Variants in LYST observed in about 807,000 individuals in gnomAD.
LYST encodes lysosomal trafficking regulator.
LYST carries 192 observed loss-of-function variants against 413.6 expected under a neutral mutation model. That is an observed-to-expected ratio of 0.46 (90% CI 0.41 to 0.52). The LOEUF is 0.52. LYST is among the 20% of genes least tolerant of loss of function. The pLI is 0.00. For missense variants in LYST, 3,815 were observed against 4,499.9 expected, an observed-to-expected ratio of 0.85 and a Z score of 4.35; for synonymous variants, 1,525 against 1,567.3, an observed-to-expected ratio of 0.97 and a Z score of 0.64.
intron 20 of LYST, among the ~76,000 whole-genome samples, chr1:235,767,991 C>T (rs1668308743): frequency 6.6e-6 from 1 of 152,080 alleles, no homozygotes; most frequent in Admixed American, 6.6e-5. Flanking sequence ...TTCTGTATCT[C>T]TTTCAATAGC....
At chr1:235,737,777 A>T (rs1224517988) in intron 31 of LYST, 1 of 381,762 alleles carries the variant, frequency 2.6e-6, no homozygotes, top group Non-Finnish European at 3.6e-6. Flanking sequence ...ATAAAAACAA[A>T]TACAAGAATT....
intron 20 of LYST, 88 bp from the exon 21 acceptor site, chr1:235,766,365 A>G: frequency 1.0e-6 from 1 of 960,190 alleles, no homozygotes; most frequent in East Asian, 2.4e-5. Flanking sequence ...TCTTTTTAAG[A>G]TAGAATTCTG....
At chr1:235,778,377 A>C (rs184563930) in intron 16 of LYST, among the ~76,000 whole-genome samples, 2 of 150,848 alleles carry the variant, frequency 1.3e-5, no homozygotes, top group East Asian at 3.9e-4. Context: ...TTATTTATTT[A>C]TTTATTTATT....
Position 235,664,111 on chromosome 1 carries a change from G to T in LYST, c.11196-56C>A. 2 of 1,265,904 alleles carry T rather than the reference G, an allele frequency of 1.6e-6. No individual in the cohort carries two copies. Among genetic ancestry groups the T allele is most frequent in the Non-Finnish European group, 2.3e-6 (2 of 863,832 alleles). 78.4% of individuals were successfully genotyped at this position (1,265,904 alleles called of 1,614,324 possible). A position where few individuals can be genotyped will look rare whatever the true frequency, so the allele number is the denominator to read the frequency against. On this transcript the variant is annotated intron_variant, in intron 51 of 52. Coordinates refer to ENST00000389793, the MANE Select transcript of LYST (RefSeq NM_000081.4). The surrounding 1 kb of genome is among the most constrained non-coding windows in gnomAD (Gnocchi z 4.5). Reference sequence around the variant, plus strand: ...AAACTAAAATTACTCTCCCTAAAAAGCCCTCTATATTTGTTTATTTGTTAA... The same window carrying T: ...AAACTAAAATTACTCTCCCTAAAAATCCCTCTATATTTGTTTATTTGTTAA...
upstream of LYST, among the ~76,000 whole-genome samples, chr1:235,867,149 T>C (rs999035826): frequency 6.6e-6 from 1 of 152,198 alleles, no homozygotes; most frequent in African/African-American, 2.4e-5. Context: ...CCCGCGGGGC[T>C]GCAGCCGGGG....
At chr1:235,800,820 G>C in intron 9 of LYST, 51 bp downstream of exon 9, 1 of 1,226,674 alleles carries the variant, frequency 8.2e-7, no homozygotes, top group East Asian at 2.4e-5. Context: ...GATGTTATTG[G>C]GTGATGAGTC....
In LYST at chr1:235,751,347, A is replaced by G; in HGVS notation, c.7643T>C (p.Leu2548Pro). ...NKRTQNMAVA[L>P]QLRVLQAAME... ...AGCAGCCTGGAGAACTCTAAGCTGT[A>G]GTGCAACAGCCATATCTAAAAACAG... The change falls in exon 28 of 53, where the codon CTA becomes CCA. Residue 2548 changes from leucine to proline, a missense_variant. Leu to Pro is a moderately conservative substitution (Grantham distance 98). Transcript: ENST00000389793. 1 of 1,613,464 alleles carries G rather than the reference A, an allele frequency of 6.2e-7. No individual in the cohort carries two copies. Among genetic ancestry groups the G allele is most frequent in the Non-Finnish European group, 8.5e-7 (1 of 1,179,524 alleles).
At chr1:235,847,076 G>C (rs950114438) in intron 1 of LYST, among the ~76,000 whole-genome samples, 4 of 152,262 alleles carry the variant, frequency 2.6e-5, no homozygotes, top group South Asian at 4.1e-4. Context: ...ACATTGTCAT[G>C]AGGTTATCCA....
At chr1:235,769,769 T>G (rs1668478261) in intron 20 of LYST, among the ~76,000 whole-genome samples, 1 of 152,148 alleles carries the variant, frequency 6.6e-6, no homozygotes. Context: ...GCATATAAAA[T>G]AGACCGTTAG....
intron 14 of LYST, 92 bp from the exon 15 acceptor site, chr1:235,782,179 T>TG: frequency 8.9e-7 from 1 of 1,126,598 alleles, no homozygotes; most frequent in Non-Finnish European, 1.3e-6. Flanking sequence ...AATGGGGAAT[T>TG]CTTTTTTTTT....
intron 33 of LYST, 34 bp downstream of exon 33, chr1:235,733,795 TA>T (rs1372435684): frequency 6.6e-7 from 1 of 1,520,434 alleles, no homozygotes; most frequent in East Asian, 2.3e-5. Context: ...AATGGATTCC[TA>T]AAATACATGC....
At chr1:235,705,711 A>G (rs1661929600) in intron 44 of LYST, among the ~76,000 whole-genome samples, 2 of 151,780 alleles carry the variant, frequency 1.3e-5, no homozygotes, top group East Asian at 1.9e-4. Flanking sequence ...TGTAAATTTT[A>G]TATAAGAATA....
upstream of LYST, among the ~76,000 whole-genome samples, chr1:235,867,709 G>A (rs1050221313): frequency 1.3e-5 from 2 of 152,206 alleles, no homozygotes; most frequent in Admixed American, 6.5e-5. Flanking sequence ...GCGGTAGGCA[G>A]TTTGGCATTT....
chr1:235,697,076 A>C lies in LYST; in HGVS notation c.10564+7T>G. On this transcript the variant is annotated splice_region_variant and intron_variant, in intron 46 of 52. Coordinates refer to ENST00000389793, the MANE Select transcript of LYST (RefSeq NM_000081.4). ...TCCAGAATGATCTTCGTTACATTTT[A>C]TTTTACCTTGTTCCTTGCTATATGT... The C allele has an allele frequency of 6.2e-7, 1 of 1,612,194 alleles. No homozygotes were observed. The highest frequency in any genetic ancestry group is 8.5e-7 in the Non-Finnish European group (1 of 1,178,210).
intron 28 of LYST, among the ~76,000 whole-genome samples, chr1:235,748,296 T>G (rs1347838865): frequency 1.3e-5 from 2 of 152,172 alleles, no homozygotes. Context: ...TTAAGGGTGA[T>G]GTGTAAAGTT....
chr1:235,665,421 T>C (rs771145198), intron 50 of LYST, among the ~76,000 whole-genome samples: 183 of 151,364 alleles, frequency 1.2e-3, no homozygotes, highest in Non-Finnish European at 1.7e-3. Flanking sequence ...ACCAGCCTAG[T>C]TAACATGGTG....
At chr1:235,791,157 C>A (rs1427727947) in intron 12 of LYST, among the ~76,000 whole-genome samples, 1 of 152,084 alleles carries the variant, frequency 6.6e-6, no homozygotes, top group Admixed American at 6.6e-5. Context: ...ATTGCTGGCG[C>A]CTGAATCCCA....
In LYST at chr1:235,806,592, C is replaced by T; in HGVS notation, c.2544G>A (p.Glu848=). 1 of 1,613,872 alleles carries T rather than the reference C, an allele frequency of 6.2e-7. No homozygotes were observed. Among genetic ancestry groups the T allele is most frequent in the Non-Finnish European group, 8.5e-7 (1 of 1,179,776 alleles). ...AAGTACCCACATGTACAGAGGACAA[C>T]TCCTTCTGTTCAATGTCTATCCCAT... ...DIDGIDIEQK[E]LSSVHVGTSF... is the part of the protein sequence containing the mutation. Residue 848 remains glutamate (E), a synonymous_variant, in exon 6 of 53, where the codon GAG becomes GAA. Coordinates refer to ENST00000389793, the MANE Select transcript of LYST (RefSeq NM_000081.4).
chr1:235,684,321 T>C (rs1337610694), intron 48 of LYST, among the ~76,000 whole-genome samples: 2 of 152,056 alleles, frequency 1.3e-5, no homozygotes, highest in Non-Finnish European at 2.9e-5. Flanking sequence ...CTGTTCAAAG[T>C]GTTGGCAAAA....
Sources: allele counts gnomAD v4.1 joint callset (sites outside exome capture counted in the v4.1 genomes callset), GRCh38; gene constraint gnomAD v4.1.1; non-coding constraint Gnocchi (gnomAD v3.1); transcripts MANE v1.5; gene names NCBI Gene and HGNC (gene_info 2026-07-23, HGNC 2026-07-21).